The following AGL variants were observed in gnomAD, a reference collection of about 807,000 sequenced individuals.
AGL encodes the protein glycogen debranching enzyme.
A neutral mutation model predicts 199.3 loss-of-function variants in AGL; 128 were observed. That is an observed-to-expected ratio of 0.64 (90% confidence interval 0.56 to 0.74). AGL has a LOEUF of 0.74. AGL is among the 30% of genes least tolerant of loss of function. AGL has a pLI of 0.00. For synonymous variants in AGL, 584 were observed against 594.7 expected (o/e 0.98, Z 0.26); for missense variants, 1,809 against 1,820.8 (o/e 0.99, Z 0.12).
intron 2 of AGL, among the ~76,000 whole-genome samples, chr1:99,854,581 T>C (rs1649255225): frequency 6.6e-6 from 1 of 150,604 alleles, no homozygotes; most frequent in South Asian, 2.1e-4. Flanking sequence ...GCTAACATAG[T>C]GAAACCCCGT....
chr1:99,852,311 C>G (rs142765660), intron 2 of AGL, among the ~76,000 whole-genome samples: 15 of 149,632 alleles, frequency 1.0e-4, no homozygotes, highest in African/African-American at 3.7e-4. Context: ...TGCTAACAAG[C>G]TGACTTGGGG....
At chr1:99,880,178 G>C (rs1570442544) in intron 13 of AGL, 132 bp downstream of exon 13, 1 of 1,353,018 alleles carries the variant, frequency 7.4e-7, no homozygotes, top group Non-Finnish European at 1.0e-6. Context: ...TACTTTGTAT[G>C]ACATATTCTA....
In AGL at chr1:99,881,186, A is replaced by T. The variant is rs1330597389; in HGVS notation, c.2001+9A>T. On this transcript the variant is annotated intron_variant, in intron 15 of 33. Coordinates refer to ENST00000361915, the MANE Select transcript of AGL (RefSeq NM_000642.3). ...AATTAGTGCCTCATCAGGTTTGTTT[A>T]TATGTTGTTTCTTAAAACCTACATG... The T allele has an allele frequency of 1.2e-6, 2 of 1,613,086 alleles. No homozygotes were observed. The highest frequency in any genetic ancestry group is 1.7e-6 in the Non-Finnish European group (2 of 1,179,170).
intron 7 of AGL, 124 bp from the exon 8 acceptor site, chr1:99,874,563 C>T (rs935766315): frequency 1.0e-6 from 1 of 953,406 alleles, no homozygotes; most frequent in Non-Finnish European, 1.6e-6. Context: ...AGGAGGATAC[C>T]TGTGAAATAA....
intron 31 of AGL, 57 bp downstream of exon 31, chr1:99,915,543 A>G (rs555558794): frequency 3.6e-6 from 5 of 1,376,478 alleles, no homozygotes; most frequent in South Asian, 1.2e-5. Flanking sequence ...ATACATTGAC[A>G]TCAACCATAA....
rs1050692863 is a variant in AGL at position 99,896,232 on chromosome 1, G to C, written c.3260-54G>C. The C allele has an allele frequency of 2.8e-6, 4 of 1,425,982 alleles. No homozygotes were observed. In the African/African-American group the frequency reaches 4.2e-5, roughly 15 times the overall value. 88.3% of individuals were successfully genotyped at this position (1,425,982 alleles called of 1,614,324 possible). A position where few individuals can be genotyped will look rare whatever the true frequency, so the allele number is the denominator to read the frequency against. On this transcript the variant is annotated intron_variant, in intron 24 of 33. Coordinates refer to ENST00000361915, the MANE Select transcript of AGL (RefSeq NM_000642.3). ...TGTTCTATAGTAATGGAGTTCATAG[G>C]TTTGTGTGTATTATTATGATTAACA...
chr1:99,884,201 A>G lies in AGL; in HGVS notation c.2390A>G (p.Asn797Ser), dbSNP rs149210307. 4,566 of 1,613,298 alleles carry G rather than the reference A, an allele frequency of 2.8e-3. 17 individuals carry two copies. The highest frequency in any genetic ancestry group is 3.5e-3 in the Non-Finnish European group (4,101 of 1,179,398). ...KPYRKDENSINGTPDITVEIR... is the reference protein window; with the variant it reads ...KPYRKDENSISGTPDITVEIR... ...TATAGGAAGGATGAGAATTCAATCA[A>G]TGGAACACCAGATATCACAGTAGAA... The change falls in exon 18 of 34, where the codon AAT becomes AGT. Residue 797 changes from asparagine (N) to serine (S), a missense_variant. Coordinates refer to ENST00000361915, the MANE Select transcript of AGL (RefSeq NM_000642.3).
chr1:99,875,100 G>T, intron 8 of AGL, 54 bp from the exon 9 acceptor site: 2 of 1,482,712 alleles, frequency 1.3e-6, no homozygotes, highest in East Asian at 2.3e-5. Flanking sequence ...GTTTTTAAAT[G>T]TAGAATCTGT....
rs930236572 is a variant in AGL at position 99,913,661 on chromosome 1, T to C, written c.4084T>C (p.Tyr1362His). The change falls in exon 30 of 34, where the codon TAC (tyrosine) becomes CAC (histidine). Residue 1362 changes from tyrosine to histidine, a missense_variant. Tyr to His is a moderately conservative substitution (Grantham distance 83). Coordinates refer to ENST00000361915, the MANE Select transcript of AGL (RefSeq NM_000642.3). ...AAATCTGGTTCACAAACGTGGCATA[T>C]ACAAAGATAGTTATGGAGCTTCAAG... Reference protein sequence around the residue: ...HPNLVHKRGIYKDSYGASSPW... With the variant: ...HPNLVHKRGIHKDSYGASSPW... The C allele has an allele frequency of 3.7e-6, 6 of 1,614,134 alleles. No homozygotes were observed. Among genetic ancestry groups the C allele is most frequent in the Non-Finnish European group, 4.2e-6 (5 of 1,180,002 alleles).
intron 27 of AGL, among the ~76,000 whole-genome samples, chr1:99,904,948 G>A (rs1654143925): frequency 6.6e-6 from 1 of 152,102 alleles, no homozygotes; most frequent in African/African-American, 2.4e-5. Flanking sequence ...TCATGTACAA[G>A]TTTTTGTGTG....
chr1:99,851,356 C>G (rs1648936975), intron 2 of AGL, among the ~76,000 whole-genome samples: 1 of 152,164 alleles, frequency 6.6e-6, no homozygotes, highest in South Asian at 2.1e-4. Context: ...GTTCTCTTTT[C>G]TCTGCGTACT....
chr1:99,921,519 T>A lies in AGL; in HGVS notation c.4482-15T>A. 6.4e-7 allele frequency: 1 copy of A among 1,558,696 alleles called. No individual in the cohort carries two copies. Among genetic ancestry groups the A allele is most frequent in the African/African-American group, 1.4e-5 (1 of 73,854 alleles). ...TTAAATTATGTCTTTGTAAAATGTC[T>A]TTTCTTTCATTCAGATCCCCTTGGA... On this transcript the variant is annotated splice_polypyrimidine_tract_variant and intron_variant, in intron 33 of 33. Coordinates refer to ENST00000361915, the MANE Select transcript of AGL (RefSeq NM_000642.3).
Position 99,923,834 on chromosome 1 carries a change from T to G in AGL, c.*2183T>G, listed in dbSNP as rs575361141. 6.6e-6 allele frequency: 1 copy of G among 152,296 alleles called. No homozygotes were observed. The highest frequency in any genetic ancestry group is 6.5e-5 in the Admixed American group (1 of 15,284). 9.4% of individuals were successfully genotyped at this position (152,296 alleles called of 1,614,324 possible). A position where few individuals can be genotyped will look rare whatever the true frequency, so the allele number is the denominator to read the frequency against. ...AACATGATAAATGAATTTACCAGTT[T>G]AGTATGCTGTGGTATTTTAATAAGT... On this transcript the variant is annotated 3_prime_UTR_variant, in exon 34 of 34. Coordinates refer to ENST00000361915, the MANE Select transcript of AGL (RefSeq NM_000642.3).
chr1:99,891,180 G>T, intron 21 of AGL, 40 bp from the exon 22 acceptor site: 7 of 1,612,392 alleles, frequency 4.3e-6, no homozygotes, highest in Non-Finnish European at 5.9e-6. Flanking sequence ...ACAAATTGAT[G>T]CTACCAATAA....
intron 5 of AGL, among the ~76,000 whole-genome samples, chr1:99,868,474 T>C (rs1040333308): frequency 1.3e-5 from 2 of 151,890 alleles, no homozygotes; most frequent in Non-Finnish European, 2.9e-5. Flanking sequence ...TAGCCGGGCA[T>C]GGTGGTGGGC....
intron 4 of AGL, among the ~76,000 whole-genome samples, chr1:99,863,144 T>C (rs1650206085): frequency 6.6e-6 from 1 of 152,030 alleles, no homozygotes; most frequent in Non-Finnish European, 1.5e-5. Context: ...TTCACCATGT[T>C]GGCCAGGCTG....
At chr1:99,852,871 A>G (rs956208891) in intron 2 of AGL, among the ~76,000 whole-genome samples, 14 of 152,210 alleles carry the variant, frequency 9.2e-5, no homozygotes, top group African/African-American at 3.4e-4. Flanking sequence ...GATATTATGC[A>G]ATAGAATAGT....
At chr1:99,875,872 A>T (rs1651482763) in intron 10 of AGL, among the ~76,000 whole-genome samples, 1 of 152,070 alleles carries the variant, frequency 6.6e-6, no homozygotes, top group South Asian at 2.1e-4. Flanking sequence ...TGCCTCAATT[A>T]TGTATTTATT....
At chr1:99,850,748 G>T in intron 1 of AGL, 1 of 367,480 alleles carries the variant, frequency 2.7e-6, no homozygotes, top group Non-Finnish European at 5.0e-6. Flanking sequence ...TTTTTTAATT[G>T]TAAGAATCTG....
Sources: gnomAD v4.1 joint callset for allele counts (sites outside exome capture counted in the v4.1 genomes callset) on GRCh38, gnomAD v4.1.1 for gene constraint, MANE v1.5 for transcripts, NCBI Gene and HGNC (gene_info 2026-07-23, HGNC 2026-07-21) for gene names.